Variants in NBEAL2 observed in about 807,000 individuals in gnomAD.
NBEAL2 encodes the protein neurobeachin like 2.
A neutral mutation model predicts 299.8 loss-of-function variants in NBEAL2; 160 were observed. The observed-to-expected ratio is 0.53, with a 90% confidence interval of 0.47 to 0.61. The LOEUF (loss-of-function observed/expected upper bound fraction) is 0.61. NBEAL2 is among the 20% of genes least tolerant of loss of function. The pLI is 0.00. For missense variants in NBEAL2, 3,112 were observed against 3,649.0 expected (o/e 0.85, Z 3.79); for synonymous variants, 1,493 against 1,542.3 (o/e 0.97, Z 0.75).
At chr3:46,986,098 C>A (rs1207929984) in intron 1 of NBEAL2, among the ~76,000 whole-genome samples, 1 of 152,154 alleles carries the variant, frequency 6.6e-6, no homozygotes, top group East Asian at 1.9e-4. Context: ...AGGCAGCCAC[C>A]CCACCCCTGC....
chr3:47,001,513 G>T lies in NBEAL2; in HGVS notation c.4644+75G>T. On this transcript the variant is annotated intron_variant, in intron 29 of 53. Transcript: ENST00000450053. This position sits in a 1 kb window ranked among gnomAD's most constrained non-coding sequence, Gnocchi z 6.1. ...AAGCCTGCAGGGATCTGGTCTGGGAGGTGGATGGGTACACGTGCGCAGGTG... is the reference window on the plus strand; with the variant it reads ...AAGCCTGCAGGGATCTGGTCTGGGATGTGGATGGGTACACGTGCGCAGGTG... 1 of 1,567,132 alleles carries T rather than the reference G, an allele frequency of 6.4e-7. No individual in the cohort carries two copies.
chr3:46,986,649 A>G (rs1575584529), intron 1 of NBEAL2, among the ~76,000 whole-genome samples: 1 of 152,042 alleles, frequency 6.6e-6, no homozygotes, highest in South Asian at 2.1e-4. Flanking sequence ...GTATTGGGAC[A>G]TTTTTGAAGG....
chr3:46,998,916 G>C, intron 23 of NBEAL2, 37 bp downstream of exon 23: 2 of 1,599,478 alleles, frequency 1.3e-6, no homozygotes, highest in Non-Finnish European at 1.7e-6. Context: ...GCTTGGGTGA[G>C]GGGAGTGGGG....
At chr3:47,007,461 C>G (rs1158983184) in intron 47 of NBEAL2, 64 bp from the exon 48 acceptor site, 2 of 1,568,450 alleles carry the variant, frequency 1.3e-6, no homozygotes, top group African/African-American at 2.7e-5. Context: ...TGGCCAGGCT[C>G]CCTGAGGGCC....
At chr3:46,992,375 A>C in intron 9 of NBEAL2, 100 bp from the exon 10 acceptor site, 3 of 1,098,988 alleles carry the variant, frequency 2.7e-6, no homozygotes, top group Admixed American at 2.0e-5. Context: ...CGGGCAGGGC[A>C]CCTGGCAGCT....
rs756335796 is a variant in NBEAL2, at chr3:47,007,803, C to T, written c.7508-13C>T. 1.9e-6 allele frequency: 3 copies of T among 1,612,228 alleles called. No homozygotes were observed. The highest frequency in any genetic ancestry group is 1.7e-6 in the Non-Finnish European group (2 of 1,179,168). On this transcript the variant is annotated splice_polypyrimidine_tract_variant and intron_variant, in intron 48 of 53. Transcript: ENST00000450053. ...CTCCTCCGTTCTGCCTGTACCCTCC[C>T]CTTCCCATGCAGATGTAGTAACCTG... is the stretch of plus-strand genomic sequence containing the variant.
rs369175513 is a variant in NBEAL2 at position 46,987,758 on chromosome 3, G to GT, written c.52-910dup. Among the ~76,000 whole-genome samples the GT allele has an allele frequency of 2.1e-3, 326 of 152,262 alleles. 3 individuals are homozygous for GT. Among genetic ancestry groups the GT allele is most frequent in the African/African-American group, 7.5e-3 (313 of 41,550 alleles). On this transcript the variant is annotated intron_variant, in intron 1 of 53. Coordinates refer to ENST00000450053, the MANE Select transcript of NBEAL2 (RefSeq NM_015175.3). ...TCTTCCAGGCGCCAACCTCATGCTTGTAAAACTAGTCTTGGCCCACAAGCC... is the reference window on the plus strand; with the variant it reads ...TCTTCCAGGCGCCAACCTCATGCTTGTTAAAACTAGTCTTGGCCCACAAGCC...
In NBEAL2 at chr3:47,002,084, T is replaced by TGCAGCTGCAGCAGCTGCA. The variant is rs535036383; in HGVS notation, c.4958_4975dup (p.Ala1653_Ala1658dup). 1.1e-4 allele frequency: 170 copies of TGCAGCTGCAGCAGCTGCA among 1,551,646 alleles called. No homozygotes were observed. In the East Asian group the frequency reaches 2.0e-3, roughly 18 times the overall value. ...CCACTGATGAGGCAGGGTCCCCACT[T>TGCAGCTGCAGCAGCTGCA]GCAGCTGCAGCAGCTGCAGCAGCTG... On this transcript the variant is annotated inframe_insertion, in exon 31 of 54. Transcript: ENST00000450053.
intron 18 of NBEAL2, 29 bp downstream of exon 18, chr3:46,997,075 C>A: frequency 1.3e-6 from 2 of 1,596,898 alleles, no homozygotes; most frequent in Non-Finnish European, 1.7e-6. Context: ...GTGGTGTGTG[C>A]AGGAGGCATG....
At chr3:46,998,618 G>A (rs2107368089) in intron 22 of NBEAL2, 53 bp downstream of exon 22, 3 of 1,579,042 alleles carry the variant, frequency 1.9e-6, no homozygotes, top group Admixed American at 1.8e-5. Flanking sequence ...GTGGCCTCCG[G>A]CCTTGGGGAC....
chr3:46,983,340 C>T (rs965222100), intron 1 of NBEAL2, among the ~76,000 whole-genome samples: 4 of 140,768 alleles, frequency 2.8e-5, no homozygotes, highest in African/African-American at 5.3e-5. Flanking sequence ...GACAGAGTCT[C>T]ACTCTGTCAC....
rs1038140017 is a variant in NBEAL2 at position 46,991,011 on chromosome 3, G to C, written c.557-208G>C. ...GTCACCCTTAAGTCCCCCAAAGAAG[G>C]GTTGTCCCTTTCAGGCCCTCTACTA... On this transcript the variant is annotated intron_variant, in intron 6 of 53. Coordinates refer to ENST00000450053, the MANE Select transcript of NBEAL2 (RefSeq NM_015175.3). This position sits in a 1 kb window ranked among gnomAD's most constrained non-coding sequence, Gnocchi z 6.2. Among the ~76,000 whole-genome samples, 4 of 152,234 alleles carry C rather than the reference G, an allele frequency of 2.6e-5. No individual in the cohort carries two copies. The South Asian group carries it at 8.3e-4, about 32-fold the overall frequency.
At position 46,991,089 on chromosome 3, in the gene NBEAL2, C is replaced by A; in HGVS notation, c.557-130C>A. On this transcript the variant is annotated intron_variant, in intron 6 of 53. Coordinates refer to ENST00000450053, the MANE Select transcript of NBEAL2 (RefSeq NM_015175.3). This position sits in a 1 kb window ranked among gnomAD's most constrained non-coding sequence, Gnocchi z 6.2. ...CAGGGCAGAGCCAGCTCTTATCCCT[C>A]ACACTGGATCTTTTACTTGGCCCAG... The A allele has an allele frequency of 1.3e-6, 1 of 767,524 alleles. No individual in the cohort carries two copies. The highest frequency in any genetic ancestry group is 2.2e-6 in the Non-Finnish European group (1 of 452,064). 47.5% of individuals were successfully genotyped at this position (767,524 alleles called of 1,614,324 possible).
At position 47,005,013 on chromosome 3, in the gene NBEAL2, C is replaced by G; in HGVS notation, c.6336C>G (p.Asp2112Glu). 1 of 1,612,214 alleles carries G rather than the reference C, an allele frequency of 6.2e-7. No homozygotes were observed. Among genetic ancestry groups the G allele is most frequent in the Non-Finnish European group, 8.5e-7 (1 of 1,179,214 alleles). ...AGGACTACGTGTCCCCAACCCTGGA[C>G]CTCAGCAACCCAGCCGTCTTCCGGG... Reference protein sequence around the residue: ...VLQDYVSPTLDLSNPAVFRDL... With the variant: ...VLQDYVSPTLELSNPAVFRDL... Residue 2112 changes from aspartate (D) to glutamate (E), a missense_variant, in exon 39 of 54, where the codon GAC becomes GAG. Transcript: ENST00000450053.
rs1296367218 is a variant in NBEAL2 at position 46,992,566 on chromosome 3, G to T, written c.1113+11G>T. 28 of 1,587,010 alleles carry T rather than the reference G, an allele frequency of 1.8e-5. No homozygotes were observed. Among genetic ancestry groups the T allele is most frequent in the Non-Finnish European group, 2.3e-5 (27 of 1,166,714 alleles). On this transcript the variant is annotated intron_variant, in intron 10 of 53. Transcript: ENST00000450053. ...CCCGATGTCCAAAAGGTACCATCCT[G>T]GGGCTGACCAGCTCAGACACCCCCT...
intron 15 of NBEAL2, 30 bp from the exon 16 acceptor site, chr3:46,996,241 C>T: frequency 1.9e-6 from 3 of 1,600,950 alleles, no homozygotes; most frequent in South Asian, 2.2e-5. Flanking sequence ...CTGCTGTGAC[C>T]TGACCGCTCC....
rs752552280 is a variant in NBEAL2 at position 47,001,870 on chromosome 3, C to T, written c.4782+44C>T. The T allele has an allele frequency of 9.9e-6, 16 of 1,609,260 alleles. No individual in the cohort carries two copies. Among genetic ancestry groups the T allele is most frequent in the Admixed American group, 1.7e-5 (1 of 59,938 alleles). On this transcript the variant is annotated intron_variant, in intron 30 of 53. Coordinates refer to ENST00000450053, the MANE Select transcript of NBEAL2 (RefSeq NM_015175.3). The surrounding 1 kb of genome is among the most constrained non-coding windows in gnomAD (Gnocchi z 6.1). ...TGGGGGCAGGGGGCGTGTGAGATGT[C>T]GGGAGCTCCAAGAGTGGCTGGGTGC... is the stretch of plus-strand genomic sequence containing the variant.
chr3:46,999,355 G>A lies in NBEAL2; in HGVS notation c.3584G>A (p.Arg1195Gln), dbSNP rs369806643. The change falls in exon 25 of 54, where the codon CGG (arginine) becomes CAG (glutamine). Residue 1195 changes from arginine to glutamine, a missense_variant. By Grantham distance (43) the Arg-to-Gln change is conservative. Coordinates refer to ENST00000450053, the MANE Select transcript of NBEAL2 (RefSeq NM_015175.3). ...CAGCAGAATGAGCGGCTACCTGAGC[G>A]GAGCCGCCAGCGCCTCCGGCTGCGG... is the stretch of plus-strand genomic sequence containing the variant. Reference protein sequence around the residue: ...RLQQNERLPERSRQRLRLREC... With the variant: ...RLQQNERLPEQSRQRLRLREC... 71 of 1,610,412 alleles carry A rather than the reference G, an allele frequency of 4.4e-5. No individual in the cohort carries two copies. Among genetic ancestry groups the A allele is most frequent in the Admixed American group, 6.7e-5 (4 of 59,814 alleles).
intron 10 of NBEAL2, among the ~76,000 whole-genome samples, chr3:46,993,605 G>T (rs2036265302): frequency 6.6e-6 from 1 of 152,204 alleles, no homozygotes; most frequent in African/African-American, 2.4e-5. Flanking sequence ...CTAGCTTTAG[G>T]GAGACAGGTT....
Sources: allele counts gnomAD v4.1 joint callset (sites outside exome capture counted in the v4.1 genomes callset), GRCh38; gene constraint gnomAD v4.1.1; non-coding constraint Gnocchi (gnomAD v3.1); transcripts MANE v1.5; gene names NCBI Gene and HGNC (gene_info 2026-07-23, HGNC 2026-07-21).